Variants in AMMECR1 observed in about 807,000 individuals in gnomAD.
AMMECR1 encodes AMMECR nuclear protein 1.
AMMECR1 carries 3 observed loss-of-function variants against 22.5 expected under a neutral mutation model. The observed-to-expected ratio is 0.13, with a 90% CI of 0.06 to 0.35. The LOEUF is 0.35. AMMECR1 is among the 10% of genes least tolerant of loss of function. The probability of loss-of-function intolerance (pLI) is 1.00; values close to 1 mark genes in which losing one functional copy is unlikely to be tolerated. For missense variants in AMMECR1, 235 were observed against 278.7 expected (o/e 0.84, Z 1.12); for synonymous variants, 130 against 116.7 (o/e 1.11, Z -0.74).
At chrX:110,316,083 T>C (rs1328937913) in intron 1 of AMMECR1, among the ~76,000 whole-genome samples, 1 of 111,996 alleles carries the variant, frequency 8.9e-6, no homozygotes, top group African/African-American at 3.3e-5. Flanking sequence ...TTCATGCACT[T>C]CTCATAAACC....
At chrX:110,224,685 G>A (rs1337238006) in intron 2 of AMMECR1, among the ~76,000 whole-genome samples, 1 of 111,159 alleles carries the variant, frequency 9.0e-6, no homozygotes, top group African/African-American at 3.3e-5. Flanking sequence ...TTTTGGGCAG[G>A]AATTGTTCTT....
intron 1 of AMMECR1, among the ~76,000 whole-genome samples, chrX:110,289,985 C>T (rs1602863700): frequency 9.0e-6 from 1 of 111,386 alleles, no homozygotes; most frequent in Non-Finnish European, 1.9e-5. Flanking sequence ...CTGGAATCAA[C>T]CCAACTTGCT....
At chrX:110,308,697 T>C (rs1200806368) in intron 1 of AMMECR1, among the ~76,000 whole-genome samples, 1 of 111,427 alleles carries the variant, frequency 9.0e-6, no homozygotes, top group Non-Finnish European at 1.9e-5. Flanking sequence ...CAAAATCAAG[T>C]ACCCAGCCAA....
At chrX:110,397,102 A>G (rs970102718) in intron 2 of AMMECR1, among the ~76,000 whole-genome samples, 24 of 111,948 alleles carry the variant, frequency 2.1e-4, no homozygotes, top group African/African-American at 7.1e-4. Context: ...GGGACAGGGC[A>G]AATGTGAGAA....
At chrX:110,402,174 G>C (rs2068569889) in intron 2 of AMMECR1, among the ~76,000 whole-genome samples, 1 of 112,823 alleles carries the variant, frequency 8.9e-6, no homozygotes, top group Admixed American at 9.3e-5. Context: ...CTTGCTCTGA[G>C]GAATGTTGCT....
chrX:110,423,606 G>C (rs181569634), intron 2 of AMMECR1, among the ~76,000 whole-genome samples: 24 of 112,072 alleles, frequency 2.1e-4, no homozygotes, highest in Admixed American at 1.9e-3. Flanking sequence ...TGGTTTGTTT[G>C]TTTCTACCCA....
rs1340752215 is a variant in AMMECR1, at chrX:110,196,277, G to C, written c.*2243C>G. 1 of 111,472 alleles carries C rather than the reference G, an allele frequency of 9.0e-6. No homozygotes were observed. Among genetic ancestry groups the C allele is most frequent in the Non-Finnish European group, 1.9e-5 (1 of 53,047 alleles). 9.2% of individuals were successfully genotyped at this position (111,472 alleles called of 1,213,427 possible). A position where few individuals can be genotyped will look rare whatever the true frequency, so the allele number is the denominator to read the frequency against. ...TAACCATAAGCTCACCCAGGACGAG[G>C]AGCCTGTTGAACCGATGAGATGATG... On this transcript the variant is annotated 3_prime_UTR_variant, in exon 6 of 6. Transcript: ENST00000262844.
At chrX:110,370,685 C>G (rs779766776) in intron 2 of AMMECR1, among the ~76,000 whole-genome samples, 2 of 112,249 alleles carry the variant, frequency 1.8e-5, no homozygotes, top group African/African-American at 6.5e-5. Context: ...CAAATGCCAT[C>G]GGGGCAAGCT....
At chrX:110,210,880 T>C (rs962890376) in intron 3 of AMMECR1, among the ~76,000 whole-genome samples, 9 of 111,511 alleles carry the variant, frequency 8.1e-5, no homozygotes, top group African/African-American at 2.9e-4. Flanking sequence ...GCCTGAGGTA[T>C]AGCTTTATAG....
At chrX:110,260,332 T>C (rs1282940824) in intron 2 of AMMECR1, among the ~76,000 whole-genome samples, 4 of 111,661 alleles carry the variant, frequency 3.6e-5, no homozygotes, top group African/African-American at 1.3e-4. Flanking sequence ...CTTTATAAGA[T>C]TTTATTTCAA....
At chrX:110,249,653 G>T (rs1410829879) in intron 2 of AMMECR1, among the ~76,000 whole-genome samples, 2 of 112,040 alleles carry the variant, frequency 1.8e-5, no homozygotes, top group Non-Finnish European at 3.8e-5. Context: ...TGTAATCCCA[G>T]CACTTTGGGA....
chrX:110,428,672 T>C (rs1415387005), intron 1 of AMMECR1, among the ~76,000 whole-genome samples: 3 of 111,038 alleles, frequency 2.7e-5, no homozygotes, highest in African/African-American at 9.9e-5. Flanking sequence ...ACACTTTCAG[T>C]CATTCCTCAT....
At position 110,400,158 on chromosome X, in the gene AMMECR1, C is replaced by T. The variant is rs777808462; in HGVS notation, c.-148+26500G>A. On this transcript the variant is annotated intron_variant, in intron 2 of 7. Transcript: ENST00000372057. ...AGCGCAGTAAATAATCTCTTACACACACATTTGGGTGCAATTTCTAAAATT... is the reference window on the plus strand; with the variant it reads ...AGCGCAGTAAATAATCTCTTACACATACATTTGGGTGCAATTTCTAAAATT... Among the ~76,000 whole-genome samples the T allele has an allele frequency of 2.6e-3, 274 of 107,369 alleles. 3 individuals are homozygous for T. The highest frequency in any genetic ancestry group is 9.2e-3 in the African/African-American group (270 of 29,375). 93.2% of individuals were successfully genotyped at this position (107,369 alleles called of 115,157 possible).
chrX:110,274,259 G>C (rs2067814207), intron 1 of AMMECR1, among the ~76,000 whole-genome samples: 2 of 111,891 alleles, frequency 1.8e-5, no homozygotes, highest in Admixed American at 1.9e-4. Context: ...GTGTCAGTTA[G>C]GTCCAGTTGG....
chrX:110,410,616 C>A (rs2068635655), intron 2 of AMMECR1, among the ~76,000 whole-genome samples: 1 of 112,037 alleles, frequency 8.9e-6, no homozygotes, highest in South Asian at 3.8e-4. Flanking sequence ...GAGATGCTCT[C>A]CCAGATGCTT....
At chrX:110,378,080 A>T (rs2068391898) in intron 2 of AMMECR1, among the ~76,000 whole-genome samples, 1 of 109,339 alleles carries the variant, frequency 9.1e-6, no homozygotes, top group Admixed American at 9.7e-5. Flanking sequence ...CTTTTCTTCA[A>T]GATTCTGATT....
At chrX:110,367,022 A>C (rs1349528821) in intron 2 of AMMECR1, among the ~76,000 whole-genome samples, 1 of 111,546 alleles carries the variant, frequency 9.0e-6, no homozygotes, top group Admixed American at 9.5e-5. Flanking sequence ...CCACCAATCT[A>C]TTTGTATTTG....
chrX:110,249,922 G>A lies in AMMECR1; in HGVS notation c.584+14567C>T, dbSNP rs1192965016. The stretch of plus-strand genomic sequence containing the variant: ...AGAAAGGAAAGGAAAGGGGAAAGGG[G>A]AGAGGGAAACGGAAAGGGAAAGGAA... On this transcript the variant is annotated intron_variant, in intron 2 of 5. Coordinates refer to ENST00000262844, the MANE Select transcript of AMMECR1 (RefSeq NM_015365.3). Among the ~76,000 whole-genome samples the A allele has an allele frequency of 2.7e-5, 3 of 111,067 alleles. No individual in the cohort carries two copies. The East Asian group carries it at 8.5e-4, about 31-fold the overall frequency.
chrX:110,279,489 C>T (rs1393313826), intron 1 of AMMECR1, among the ~76,000 whole-genome samples: 1 of 111,698 alleles, frequency 9.0e-6, no homozygotes, highest in Non-Finnish European at 1.9e-5. Flanking sequence ...TAGCCCAACA[C>T]GTGATTCAAT....
Sources: allele counts gnomAD v4.1 joint callset (sites outside exome capture counted in the v4.1 genomes callset), GRCh38; gene constraint gnomAD v4.1.1; transcripts MANE v1.5; gene names NCBI Gene and HGNC (gene_info 2026-07-23, HGNC 2026-07-21).